Variants in TMEFF2 observed in about 807,000 individuals in gnomAD.
TMEFF2 encodes the protein tomoregulin-2.
Under a neutral mutation model 53.8 loss-of-function variants are expected in TMEFF2, and 28 were observed. That is an observed-to-expected ratio of 0.52 (90% CI 0.39 to 0.71). The LOEUF (loss-of-function observed/expected upper bound fraction) is 0.71. TMEFF2 is among the 30% of genes least tolerant of loss of function. TMEFF2 has a pLI of 0.00. For synonymous variants in TMEFF2, 162 were observed against 166.3 expected, an observed-to-expected ratio of 0.97 and a Z score of 0.20; for missense variants, 353 against 455.2, an observed-to-expected ratio of 0.78 and a Z score of 2.04.
intron 4 of TMEFF2, among the ~76,000 whole-genome samples, chr2:192,144,606 G>A (rs961258511): frequency 3.9e-5 from 6 of 152,170 alleles, no homozygotes; most frequent in African/African-American, 7.2e-5. Context: ...GTGCAAGTAC[G>A]TTTTAACATT....
At chr2:192,160,239 T>C (rs1405669168) in intron 4 of TMEFF2, among the ~76,000 whole-genome samples, 1 of 152,160 alleles carries the variant, frequency 6.6e-6, no homozygotes, top group African/African-American at 2.4e-5. Flanking sequence ...GGCTGAAATA[T>C]AAGTTGCTGG....
intron 7 of TMEFF2, among the ~76,000 whole-genome samples, chr2:191,995,024 A>T (rs965397232): frequency 2.0e-5 from 3 of 151,990 alleles, no homozygotes; most frequent in Non-Finnish European, 2.9e-5. Context: ...GACTACATTT[A>T]TGTGCCTTTG....
At chr2:192,105,492 A>G (rs1689125936) in intron 4 of TMEFF2, among the ~76,000 whole-genome samples, 2 of 151,918 alleles carry the variant, frequency 1.3e-5, no homozygotes, top group African/African-American at 4.8e-5. Context: ...CACCCTTCGA[A>G]GAAGGTATTG....
At chr2:192,022,831 T>C (rs1191487104) in intron 5 of TMEFF2, among the ~76,000 whole-genome samples, 2 of 152,172 alleles carry the variant, frequency 1.3e-5, no homozygotes, top group Non-Finnish European at 2.9e-5. Context: ...CTTTATTGGA[T>C]GTTTACTACT....
chr2:192,154,202 T>C (rs1000677440), intron 4 of TMEFF2, among the ~76,000 whole-genome samples: 2 of 151,956 alleles, frequency 1.3e-5, no homozygotes, highest in Non-Finnish European at 2.9e-5. Context: ...CCAGGACTTA[T>C]GACCTTCCTC....
intron 4 of TMEFF2, among the ~76,000 whole-genome samples, chr2:192,171,248 A>G (rs1264662706): frequency 1.3e-5 from 2 of 152,116 alleles, no homozygotes; most frequent in Non-Finnish European, 2.9e-5. Flanking sequence ...AGGACCATAC[A>G]CAAAGTCCCT....
At chr2:192,003,189 TAAAG>T (rs756712081) in intron 5 of TMEFF2, among the ~76,000 whole-genome samples, 75 of 152,192 alleles carry the variant, frequency 4.9e-4, no homozygotes, top group Non-Finnish European at 9.6e-4. Context: ...TTTACATTCT[TAAAG>T]AAAGGTTGCT....
At chr2:191,984,785 T>C (rs988286489) in intron 7 of TMEFF2, among the ~76,000 whole-genome samples, 1 of 152,078 alleles carries the variant, frequency 6.6e-6, no homozygotes, top group Admixed American at 6.6e-5. Context: ...AGAGCCCTTA[T>C]CCTTTTGGGA....
At chr2:192,034,319 A>G (rs1687226917) in intron 5 of TMEFF2, among the ~76,000 whole-genome samples, 2 of 152,182 alleles carry the variant, frequency 1.3e-5, no homozygotes, top group Non-Finnish European at 2.9e-5. Flanking sequence ...AGTGTTAAGT[A>G]CAAATCCTAA....
In TMEFF2 at chr2:192,147,781, T is replaced by C. The variant is rs963118808; in HGVS notation, c.439+31887A>G. On this transcript the variant is annotated intron_variant, in intron 4 of 9. Transcript: ENST00000272771. Reference sequence around the variant, plus strand: ...GACTTTCAACATGATAGCCATTAGCTATTGGATGGCTATGATTTTTCATGC... The same window carrying C: ...GACTTTCAACATGATAGCCATTAGCCATTGGATGGCTATGATTTTTCATGC... Among the ~76,000 whole-genome samples, 8 of 152,200 alleles carry C rather than the reference T, an allele frequency of 5.3e-5. No homozygotes were observed. The East Asian group carries it at 1.5e-3, about 29-fold the overall frequency.
chr2:192,023,955 G>A (rs1014733889), intron 5 of TMEFF2, among the ~76,000 whole-genome samples: 1 of 152,160 alleles, frequency 6.6e-6, no homozygotes, highest in African/African-American at 2.4e-5. Context: ...TAAATAGAGT[G>A]TTTCTTCTGG....
At chr2:192,057,634 A>C in intron 5 of TMEFF2, 45 bp downstream of exon 5, 2 of 1,492,364 alleles carry the variant, frequency 1.3e-6, no homozygotes, top group Non-Finnish European at 1.9e-6. Context: ...AAAGAAATTA[A>C]TCACTGTCAT....
chr2:192,163,097 T>C (rs928081942), intron 4 of TMEFF2, among the ~76,000 whole-genome samples: 1 of 152,206 alleles, frequency 6.6e-6, no homozygotes, highest in Non-Finnish European at 1.5e-5. Flanking sequence ...TTTCTGCATC[T>C]GGAAGTGACT....
intron 4 of TMEFF2, among the ~76,000 whole-genome samples, chr2:192,072,431 G>GA (rs931716487): frequency 2.3e-4 from 35 of 151,474 alleles, no homozygotes; most frequent in Admixed American, 6.6e-4. Context: ...CCCAAAAGGG[G>GA]AAAAAAAAGC....
chr2:192,076,759 T>C (rs1312412780), intron 4 of TMEFF2, among the ~76,000 whole-genome samples: 1 of 152,142 alleles, frequency 6.6e-6, no homozygotes, highest in Non-Finnish European at 1.5e-5. Flanking sequence ...TTTGATATTG[T>C]GGAACTCAGG....
At chr2:192,057,832 C>T (rs1459510461) in intron 4 of TMEFF2, 57 bp from the exon 5 acceptor site, 2 of 1,348,754 alleles carry the variant, frequency 1.5e-6, no homozygotes, top group African/African-American at 2.9e-5. Context: ...ATATCTACAA[C>T]TCCAGGACAA....
At chr2:191,994,311 G>C (rs370626318) in intron 7 of TMEFF2, among the ~76,000 whole-genome samples, 2 of 151,594 alleles carry the variant, frequency 1.3e-5, no homozygotes, top group Admixed American at 6.6e-5. Flanking sequence ...ACTGGTGTAG[G>C]ATGTCATAAA....
intron 4 of TMEFF2, among the ~76,000 whole-genome samples, chr2:192,068,286 T>A (rs900110614): frequency 1.3e-5 from 2 of 151,922 alleles, no homozygotes; most frequent in Non-Finnish European, 2.9e-5. Context: ...AGTAAGATGG[T>A]TCTTTGAAGG....
At chr2:191,988,057 T>C (rs906480096) in intron 7 of TMEFF2, among the ~76,000 whole-genome samples, 10 of 152,198 alleles carry the variant, frequency 6.6e-5, no homozygotes, top group African/African-American at 2.4e-4. Context: ...CTCGGAAGTA[T>C]GTTAAGCTGC....
Sources: allele counts gnomAD v4.1 joint callset (sites outside exome capture counted in the v4.1 genomes callset), GRCh38; gene constraint gnomAD v4.1.1; transcripts MANE v1.5; gene names NCBI Gene and HGNC (gene_info 2026-07-23, HGNC 2026-07-21).